COPZ1: variants seen among roughly 807,000 people sequenced by gnomAD.
COPZ1 encodes the protein coat protein complex I subunit zeta 1, also known as coatomer subunit zeta-1.
In COPZ1, 4 loss-of-function variants were observed where a neutral mutation model predicts 31.7. The observed-to-expected ratio is 0.13, with a 90% CI of 0.06 to 0.29. COPZ1 has a LOEUF of 0.29. COPZ1 is among the 10% of genes least tolerant of loss of function. The pLI, the probability that COPZ1 is intolerant of heterozygous loss-of-function variation, is 1.00. For synonymous variants in COPZ1, 74 were observed against 79.0 expected, an observed-to-expected ratio of 0.94 and a Z score of 0.33; for missense variants, 156 against 211.5, an observed-to-expected ratio of 0.74 and a Z score of 1.63.
At chr12:54,333,123 A>C (rs1056793058) in intron 1 of COPZ1, among the ~76,000 whole-genome samples, 1 of 152,116 alleles carries the variant, frequency 6.6e-6, no homozygotes, top group Non-Finnish European at 1.5e-5. Flanking sequence ...GGCTCACTGC[A>C]ATCTCCATCT....
chr12:54,340,520 A>G, intron 1 of COPZ1, 27 bp from the exon 2 acceptor site: 1 of 1,613,682 alleles, frequency 6.2e-7, no homozygotes, highest in Non-Finnish European at 8.5e-7. Context: ...AGGCTTCAGG[A>G]CTGAAGGTAT....
chr12:54,325,206 A>C (rs1190821320), intron 1 of COPZ1, 25 bp downstream of exon 1: 1 of 1,555,522 alleles, frequency 6.4e-7, no homozygotes, highest in South Asian at 1.2e-5. Flanking sequence ...GGCAGCAGAG[A>C]TGCTGTGGTG....
chr12:54,342,553 T>C (rs2137105272), intron 3 of COPZ1: 1 of 483,630 alleles, frequency 2.1e-6, no homozygotes. Flanking sequence ...GCAGCTCTGC[T>C]TATTGTACCG....
intron 3 of COPZ1, chr12:54,342,697 G>A (rs1953991601): frequency 1.0e-5 from 2 of 196,940 alleles, no homozygotes; most frequent in Middle Eastern, 2.2e-3. Context: ...GAGGATGGTG[G>A]TTACAGAAGA....
intron 1 of COPZ1, among the ~76,000 whole-genome samples, chr12:54,327,029 G>T (rs1262182212): frequency 7.8e-6 from 1 of 128,968 alleles, no homozygotes; most frequent in Non-Finnish European, 1.6e-5. Context: ...TGCCCAGGCT[G>T]GGGTGCAGTG....
intron 1 of COPZ1, 163 bp downstream of exon 1, chr12:54,325,344 A>G: frequency 1.0e-6 from 1 of 993,632 alleles, no homozygotes; most frequent in Non-Finnish European, 1.4e-6. Context: ...TAGGAGCTAA[A>G]GCCTTGGTTT....
rs112662113 is a variant in COPZ1 at position 54,340,865 on chromosome 12, A to G, written c.87+250A>G. On this transcript the variant is annotated intron_variant, in intron 2 of 8. Transcript: ENST00000262061. The stretch of plus-strand genomic sequence containing the variant: ...CAGGCACGCGCTACCACCCCCGGCT[A>G]ATTTTTTGTATCTTTAGTAGAGACA... Among the ~76,000 whole-genome samples the G allele has an allele frequency of 2.7e-3, 417 of 152,028 alleles. 2 individuals are homozygous for G. The highest frequency in any genetic ancestry group is 8.9e-3 in the African/African-American group (371 of 41,456).
At chr12:54,327,225 A>T (rs1953672232) in intron 1 of COPZ1, among the ~76,000 whole-genome samples, 1 of 150,694 alleles carries the variant, frequency 6.6e-6, no homozygotes, top group African/African-American at 2.4e-5. Context: ...ACCTCAAGTG[A>T]TCTGCCTGCC....
chr12:54,336,433 C>T (rs991916290), intron 1 of COPZ1, among the ~76,000 whole-genome samples: 12 of 151,524 alleles, frequency 7.9e-5, no homozygotes, highest in African/African-American at 1.9e-4. Flanking sequence ...CCCAGCTACT[C>T]GGGAGGCTGA....
intron 1 of COPZ1, among the ~76,000 whole-genome samples, chr12:54,329,499 G>A (rs1435295627): frequency 6.6e-6 from 1 of 152,046 alleles, no homozygotes; most frequent in Non-Finnish European, 1.5e-5. Flanking sequence ...CAGGAGAATC[G>A]CTTGAACCTG....
intron 2 of COPZ1, among the ~76,000 whole-genome samples, chr12:54,341,404 G>C (rs1261161368): frequency 6.6e-6 from 1 of 152,192 alleles, no homozygotes; most frequent in Non-Finnish European, 1.5e-5. Context: ...CCCTCCTGTA[G>C]AAATTTCTTC....
intron 3 of COPZ1, 176 bp downstream of exon 3, chr12:54,342,463 G>A (rs540351107): frequency 3.4e-4 from 204 of 591,944 alleles, no homozygotes; most frequent in Non-Finnish European, 5.6e-4. Flanking sequence ...TACCTCACGC[G>A]GGAATACCAT....
In COPZ1 at chr12:54,345,489, C is replaced by T. The variant is rs574868630; in HGVS notation, c.291C>T (p.Leu97=). Reference sequence around the variant, plus strand: ...TGCTTATGGCTGTTCTGAACTGTCTCTTCGACTCATTGAGCCAGATGCTGA... The same window carrying T: ...TGCTTATGGCTGTTCTGAACTGTCTTTTCGACTCATTGAGCCAGATGCTGA... ...ELMLMAVLNC[L]FDSLSQMLRK... Residue 97 remains leucine, a synonymous_variant, in exon 5 of 9, where the codon CTC becomes CTT. Transcript: ENST00000262061. 6.2e-7 allele frequency: 1 copy of T among 1,613,840 alleles called. No homozygotes were observed. Among genetic ancestry groups the T allele is most frequent in the Non-Finnish European group, 8.5e-7 (1 of 1,179,780 alleles).
chr12:54,336,337 G>T (rs2137094685), intron 1 of COPZ1, among the ~76,000 whole-genome samples: 1 of 152,168 alleles, frequency 6.6e-6, no homozygotes, highest in East Asian at 1.9e-4. Flanking sequence ...GAGGTCAGGA[G>T]ATTGAGACCA....
At chr12:54,346,169 C>A (rs953084045) in intron 5 of COPZ1, among the ~76,000 whole-genome samples, 3 of 151,822 alleles carry the variant, frequency 2.0e-5, no homozygotes, top group African/African-American at 7.3e-5. Flanking sequence ...GGGCTTCATT[C>A]TTGACATTAG....
intron 1 of COPZ1, among the ~76,000 whole-genome samples, chr12:54,339,072 G>A (rs1404896384): frequency 6.6e-6 from 1 of 152,056 alleles, no homozygotes; most frequent in East Asian, 1.9e-4. Flanking sequence ...CAGGAAAGAG[G>A]TAGCAAAGCA....
chr12:54,329,039 A>T (rs1953708551), intron 1 of COPZ1, among the ~76,000 whole-genome samples: 2 of 152,170 alleles, frequency 1.3e-5, no homozygotes, highest in East Asian at 3.9e-4. Flanking sequence ...GCTTTCAAGC[A>T]GATTTGTCTA....
intron 1 of COPZ1, among the ~76,000 whole-genome samples, chr12:54,333,515 A>C (rs1953796969): frequency 6.6e-6 from 1 of 152,068 alleles, no homozygotes; most frequent in Non-Finnish European, 1.5e-5. Flanking sequence ...AGAGAAAGGG[A>C]AAATTTGAGT....
intron 4 of COPZ1, among the ~76,000 whole-genome samples, chr12:54,343,726 CCTT>C (rs755833302): frequency 2.0e-4 from 30 of 152,218 alleles, no homozygotes; most frequent in Admixed American, 5.2e-4. Flanking sequence ...CTGGAGAAGA[CCTT>C]GGGTATAGTC....
Sources: gnomAD v4.1 joint callset for allele counts (sites outside exome capture counted in the v4.1 genomes callset) on GRCh38, gnomAD v4.1.1 for gene constraint, MANE v1.5 for transcripts, NCBI Gene and HGNC (gene_info 2026-07-23, HGNC 2026-07-21) for gene names.